The following ELOVL6 variants were observed in gnomAD, a reference collection of about 807,000 sequenced individuals.
ELOVL6 encodes very long chain fatty acid elongase 6.
In ELOVL6, 8 loss-of-function variants were observed where a neutral mutation model predicts 31.7. That is an observed-to-expected ratio of 0.25 (90% CI 0.15 to 0.45). The LOEUF (loss-of-function observed/expected upper bound fraction) is 0.45. ELOVL6 is among the 20% of genes least tolerant of loss of function. ELOVL6 has a pLI of 1.00. For missense variants in ELOVL6, 126 were observed against 326.4 expected, an observed-to-expected ratio of 0.39 and a Z score of 4.73; for synonymous variants, 101 against 117.7, an observed-to-expected ratio of 0.86 and a Z score of 0.92.
intron 1 of ELOVL6, among the ~76,000 whole-genome samples, chr4:110,166,594 A>G (rs1420359399): frequency 6.6e-6 from 1 of 152,124 alleles, no homozygotes; most frequent in Non-Finnish European, 1.5e-5. Flanking sequence ...GCCTGGTGAC[A>G]GTGAAACTCC....
chr4:110,164,879 C>T (rs921950438), intron 1 of ELOVL6, among the ~76,000 whole-genome samples: 5 of 151,928 alleles, frequency 3.3e-5, no homozygotes, highest in African/African-American at 1.2e-4. Flanking sequence ...CACTCTGTTG[C>T]CCAGGTTGGA....
chr4:110,084,219 T>A lies in ELOVL6; in HGVS notation c.221+21278A>T, dbSNP rs1247137230. Among the ~76,000 whole-genome samples the A allele has an allele frequency of 6.3e-3, 325 of 51,438 alleles. 50 individuals are homozygous for A. Among genetic ancestry groups the A allele is most frequent in the African/African-American group, 0.022 (270 of 12,504 alleles). The allele number at this position is 51,438 out of a possible 152,430, so 33.7% of individuals were successfully genotyped here. A position where few individuals can be genotyped will look rare whatever the true frequency, so the allele number is the denominator to read the frequency against. On this transcript the variant is annotated intron_variant, in intron 2 of 3. Coordinates refer to ENST00000302274, the MANE Select transcript of ELOVL6 (RefSeq NM_024090.3). ...TTATATGATATATATAACATATAAC[T>A]TATATGATATATATAACATATATGA...
intron 1 of ELOVL6, among the ~76,000 whole-genome samples, chr4:110,125,333 A>T (rs1757462640): frequency 6.6e-6 from 1 of 152,166 alleles, no homozygotes; most frequent in African/African-American, 2.4e-5. Context: ...TTTCTTTAAA[A>T]ACATAAACAC....
At chr4:110,083,278 G>A (rs1755937833) in intron 2 of ELOVL6, among the ~76,000 whole-genome samples, 1 of 151,740 alleles carries the variant, frequency 6.6e-6, no homozygotes, top group African/African-American at 2.4e-5. Context: ...CTAGGGATGA[G>A]GGCAAGAAGG....
chr4:110,143,677 T>C (rs1366563060), intron 1 of ELOVL6, among the ~76,000 whole-genome samples: 1 of 152,194 alleles, frequency 6.6e-6, no homozygotes, highest in African/African-American at 2.4e-5. Flanking sequence ...ACATTAAAGC[T>C]TGAGCAACAC....
rs1482960847 is a variant in ELOVL6 at position 110,084,058 on chromosome 4, A to G, written c.221+21439T>C. On this transcript the variant is annotated intron_variant, in intron 2 of 3. Coordinates refer to ENST00000302274, the MANE Select transcript of ELOVL6 (RefSeq NM_024090.3). ...TGGTATATAACACATGCTATATATG[A>G]TATATAACATATATATGCTATATAT... is the stretch of plus-strand genomic sequence containing the variant. Among the ~76,000 whole-genome samples, 210 of 81,076 alleles carry G rather than the reference A, an allele frequency of 2.6e-3. 22 individuals carry two copies. The highest frequency in any genetic ancestry group is 6.7e-3 in the African/African-American group (171 of 25,618). The allele number at this position is 81,076 out of a possible 152,430, so 53.2% of individuals were successfully genotyped here.
intron 1 of ELOVL6, among the ~76,000 whole-genome samples, chr4:110,194,022 G>C (rs982345449): frequency 1.1e-4 from 17 of 152,156 alleles, no homozygotes; most frequent in African/African-American, 4.1e-4. Context: ...ATTACAACTG[G>C]AGCAACTAGC....
chr4:110,131,558 C>T (rs1757670897), intron 1 of ELOVL6, among the ~76,000 whole-genome samples: 1 of 152,120 alleles, frequency 6.6e-6, no homozygotes, highest in African/African-American at 2.4e-5. Flanking sequence ...TATTCATAAA[C>T]ATCACCTAGT....
At chr4:110,123,580 G>A (rs1757412055) in intron 1 of ELOVL6, among the ~76,000 whole-genome samples, 1 of 152,174 alleles carries the variant, frequency 6.6e-6, no homozygotes, top group African/African-American at 2.4e-5. Context: ...GGTGGAAAAT[G>A]GGATGGAGAG....
chr4:110,059,617 T>C lies in ELOVL6; in HGVS notation c.359A>G (p.Lys120Arg). 1 of 1,613,568 alleles carries C rather than the reference T, an allele frequency of 6.2e-7. No homozygotes were observed. Among genetic ancestry groups the C allele is most frequent in the Non-Finnish European group, 8.5e-7 (1 of 1,179,746 alleles). Residue 120 changes from lysine (K) to arginine (R), a missense_variant, in exon 3 of 4, where the codon AAA (lysine) becomes AGA (arginine). By Grantham distance (26) the Lys-to-Arg change is conservative (BLOSUM62 2). Transcript: ENST00000302274. ...AAGATACTCACCTAGTTCGGGTGCT[T>C]TGCTTAGCACAAATGCATAAGCCCA... is the stretch of plus-strand genomic sequence containing the variant. ...KFWAYAFVLS[K>R]APELGDTIFI...
At chr4:110,094,085 A>G (rs1373707530) in intron 2 of ELOVL6, among the ~76,000 whole-genome samples, 1 of 151,964 alleles carries the variant, frequency 6.6e-6, no homozygotes, top group Non-Finnish European at 1.5e-5. Context: ...GCCCGTCTCT[A>G]CCAAAAACAC....
chr4:110,098,687 G>C (rs1449827178), intron 2 of ELOVL6, among the ~76,000 whole-genome samples: 5 of 151,964 alleles, frequency 3.3e-5, no homozygotes, highest in Non-Finnish European at 7.4e-5. Context: ...TTTCATAAAT[G>C]ATTTTACACT....
chr4:110,141,874 T>TATATAC (rs926529050), intron 1 of ELOVL6, among the ~76,000 whole-genome samples: 11 of 143,222 alleles, frequency 7.7e-5, no homozygotes, highest in African/African-American at 2.8e-4. Flanking sequence ...TATATATATA[T>TATATAC]ACTAATACAA....
rs114833382 is a variant in ELOVL6, at chr4:110,092,631, C to T, written c.221+12866G>A. 3.7e-3 allele frequency among the ~76,000 whole-genome samples: 559 copies of T among 152,300 alleles called. 2 individuals are homozygous for T. Among genetic ancestry groups the T allele is most frequent in the African/African-American group, 0.013 (542 of 41,562 alleles). ...GTCTAGTATTTTTCCATGTTATTCTCTTTAATGTTTCCTTCAGCTAATCTA... is the reference window on the plus strand; with the variant it reads ...GTCTAGTATTTTTCCATGTTATTCTTTTTAATGTTTCCTTCAGCTAATCTA... On this transcript the variant is annotated intron_variant, in intron 2 of 3. Transcript: ENST00000302274.
intron 2 of ELOVL6, among the ~76,000 whole-genome samples, chr4:110,084,553 C>CAGATATATATTTTTATATAT (rs1560815725): frequency 3.5e-5 from 2 of 57,936 alleles, no homozygotes; most frequent in African/African-American, 2.1e-4. Context: ...CACACACACA[C>CAGATATATATTTTTATATAT]ACACACACAG....
chr4:110,166,355 G>C (rs778662840), intron 1 of ELOVL6, among the ~76,000 whole-genome samples: 1 of 152,134 alleles, frequency 6.6e-6, no homozygotes, highest in Non-Finnish European at 1.5e-5. Flanking sequence ...GCTCACGCCT[G>C]TAATCCCAGC....
chr4:110,189,910 T>C (rs539944008), intron 1 of ELOVL6, among the ~76,000 whole-genome samples: 6 of 149,174 alleles, frequency 4.0e-5, no homozygotes, highest in African/African-American at 1.2e-4. Flanking sequence ...GAGCTTGCAC[T>C]GAGCCGAGAT....
chr4:110,080,144 C>T (rs755530142), intron 2 of ELOVL6, among the ~76,000 whole-genome samples: 42 of 152,144 alleles, frequency 2.8e-4, no homozygotes, highest in South Asian at 1.0e-3. Flanking sequence ...GGATTCACAG[C>T]CGAATTCTAC....
chr4:110,132,412 A>G (rs771394553), intron 1 of ELOVL6, among the ~76,000 whole-genome samples: 6 of 152,196 alleles, frequency 3.9e-5, no homozygotes, highest in Non-Finnish European at 8.8e-5. Flanking sequence ...AATAAATTCA[A>G]CAGAAGAGAT....
Sources: gnomAD v4.1 joint callset for allele counts (sites outside exome capture counted in the v4.1 genomes callset) on GRCh38, gnomAD v4.1.1 for gene constraint, MANE v1.5 for transcripts, NCBI Gene and HGNC (gene_info 2026-07-23, HGNC 2026-07-21) for gene names.